The following SNX16 variants were observed in gnomAD, a reference collection of about 807,000 sequenced individuals.
The protein encoded by SNX16 is sorting nexin-16.
A neutral mutation model predicts 36.7 loss-of-function variants in SNX16; 35 were observed. The observed-to-expected ratio is 0.95, with a 90% confidence interval of 0.73 to 1.27. The LOEUF (loss-of-function observed/expected upper bound fraction) is 1.27, where lower values mean the gene tolerates loss of function less well. Among genes scored for constraint, SNX16 ranks in the 50% most tolerant of loss-of-function variants. The probability of loss-of-function intolerance (pLI) is 0.00; values close to 1 mark genes in which losing one functional copy is unlikely to be tolerated. For missense variants in SNX16, 367 were observed against 393.6 expected (o/e 0.93, Z 0.57); for synonymous variants, 134 against 132.0 (o/e 1.02, Z -0.10).
chr8:81,840,303 C>G (rs1315804373), intron 1 of SNX16: 1 of 219,108 alleles, frequency 4.6e-6, no homozygotes, highest in African/African-American at 2.3e-5. Context: ...CATGTTATCC[C>G]TTTTTCCTCT....
At chr8:81,806,411 C>A (rs1022730340) in intron 5 of SNX16, among the ~76,000 whole-genome samples, 13 of 152,036 alleles carry the variant, frequency 8.6e-5, no homozygotes, top group Non-Finnish European at 1.3e-4. Context: ...AAAAAAAACC[C>A]ATATGATCAT....
chr8:81,839,465 T>C, intron 2 of SNX16, 147 bp downstream of exon 2: 4 of 839,430 alleles, frequency 4.8e-6, no homozygotes, highest in East Asian at 2.5e-5. Flanking sequence ...TACTACAACA[T>C]GATAGAATTC....
At chr8:81,802,256 T>C in intron 7 of SNX16, 124 bp downstream of exon 7, 1 of 587,462 alleles carries the variant, frequency 1.7e-6, no homozygotes, top group Non-Finnish European at 2.6e-6. Context: ...ATTCATTCTC[T>C]GTTTGCTTAG....
In SNX16 at chr8:81,840,015, A is replaced by G; in HGVS notation, c.-29T>C. ...CTTTTGGCTTTTCCAACAAGCTTGC[A>G]CACTGTTGAGTCCACTTAGAGAACA... On this transcript the variant is annotated 5_prime_UTR_variant, in exon 2 of 8. Coordinates refer to ENST00000345957, the MANE Select transcript of SNX16 (RefSeq NM_152836.3). 1 of 1,559,772 alleles carries G rather than the reference A, an allele frequency of 6.4e-7. No individual in the cohort carries two copies. The highest frequency in any genetic ancestry group is 8.6e-7 in the Non-Finnish European group (1 of 1,157,056).
At chr8:81,802,947 C>A in intron 6 of SNX16, 145 bp downstream of exon 6, 1 of 651,658 alleles carries the variant, frequency 1.5e-6, no homozygotes. Flanking sequence ...CTAAATAAAG[C>A]ATAATTTTCC....
At chr8:81,824,489 A>G (rs1810927801) in intron 3 of SNX16, among the ~76,000 whole-genome samples, 1 of 152,042 alleles carries the variant, frequency 6.6e-6, no homozygotes, top group Non-Finnish European at 1.5e-5. Flanking sequence ...ATGTTATTTA[A>G]TTCATCCATT....
intron 2 of SNX16, among the ~76,000 whole-genome samples, chr8:81,835,781 G>C (rs1020721952): frequency 5.3e-5 from 8 of 152,186 alleles, no homozygotes; most frequent in African/African-American, 1.9e-4. Flanking sequence ...TGGCTGGGAG[G>C]CCTCACAATC....
chr8:81,804,128 T>C (rs1157973294), intron 5 of SNX16, among the ~76,000 whole-genome samples: 1 of 151,894 alleles, frequency 6.6e-6, no homozygotes, highest in Non-Finnish European at 1.5e-5. Flanking sequence ...GAAAACACTT[T>C]AAAGCACTGA....
intron 5 of SNX16, among the ~76,000 whole-genome samples, chr8:81,804,137 G>A (rs1433791165): frequency 1.3e-5 from 2 of 151,858 alleles, no homozygotes; most frequent in East Asian, 3.9e-4. Flanking sequence ...TTAAAGCACT[G>A]AGAAAAATAA....
intron 3 of SNX16, among the ~76,000 whole-genome samples, chr8:81,827,197 A>G (rs1327160273): frequency 2.0e-5 from 3 of 152,144 alleles, no homozygotes; most frequent in Non-Finnish European, 2.9e-5. Flanking sequence ...CTTTTTTCTA[A>G]AAGATTTATC....
At chr8:81,829,662 A>G (rs1811165596) in intron 2 of SNX16, 146 bp from the exon 3 acceptor site, 3 of 381,764 alleles carry the variant, frequency 7.9e-6, no homozygotes, top group Non-Finnish European at 1.4e-5. Context: ...CATTTAAATT[A>G]TCAAAAGTAC....
chr8:81,842,110 C>A lies in SNX16; in HGVS notation c.-97+12G>T, dbSNP rs1411238512. The A allele has an allele frequency of 2.0e-5, 3 of 151,618 alleles. No homozygotes were observed. The highest frequency in any genetic ancestry group is 7.3e-5 in the African/African-American group (3 of 41,348). The allele number at this position is 151,618 out of a possible 1,614,324, so 9.4% of individuals were successfully genotyped here. ...GCGACCGCCTGTCCTGAGGTAATGA[C>A]CCAGTCTTTACCTCAGCCCCCTCGG... is the stretch of plus-strand genomic sequence containing the variant. On this transcript the variant is annotated intron_variant, in intron 1 of 7. Coordinates refer to ENST00000345957, the MANE Select transcript of SNX16 (RefSeq NM_152836.3).
intron 4 of SNX16, among the ~76,000 whole-genome samples, chr8:81,823,519 A>T (rs1810871030): frequency 6.6e-6 from 1 of 152,102 alleles, no homozygotes; most frequent in African/African-American, 2.4e-5. Flanking sequence ...CAAAATACTA[A>T]AAGTTTACCT....
At chr8:81,808,277 C>A in intron 5 of SNX16, 3 of 1,136,728 alleles carry the variant, frequency 2.6e-6, no homozygotes, top group South Asian at 1.2e-5. Flanking sequence ...AAACACTATA[C>A]CATGAATGGC....
chr8:81,810,460 CAA>C (rs1810184817), intron 5 of SNX16, among the ~76,000 whole-genome samples: 2 of 152,216 alleles, frequency 1.3e-5, no homozygotes, highest in South Asian at 2.1e-4. Context: ...AGTCTGCAGA[CAA>C]AAGAGATATA....
At position 81,801,535 on chromosome 8, in the gene SNX16, C is replaced by T. The variant is rs774678709; in HGVS notation, c.997G>A (p.Glu333Lys). ...GCATCATATGCCACTTCTGCTACTTCTATCTCTGATACAGCATTTTCAGGT... is the reference window on the plus strand; with the variant it reads ...GCATCATATGCCACTTCTGCTACTTTTATCTCTGATACAGCATTTTCAGGT... ...SEPENAVSEIEVAEVAYDAEE... is the reference protein window; with the variant it reads ...SEPENAVSEIKVAEVAYDAEE... Residue 333 changes from glutamate (E) to lysine (K), a missense_variant, in exon 8 of 8, where the codon GAA becomes AAA. Transcript: ENST00000345957. 1 of 1,592,918 alleles carries T rather than the reference C, an allele frequency of 6.3e-7. No individual in the cohort carries two copies.
In SNX16 at chr8:81,839,964, A is replaced by G; in HGVS notation, c.23T>C (p.Val8Ala). 6.2e-7 allele frequency: 1 copy of G among 1,611,872 alleles called. No homozygotes were observed. Among genetic ancestry groups the G allele is most frequent in the Non-Finnish European group, 8.5e-7 (1 of 1,179,056 alleles). The change falls in exon 2 of 8, where the codon GTT becomes GCT. Residue 8 changes from valine to alanine, a missense_variant. Physicochemically the swap from Val to Ala is moderately conservative, Grantham distance 64. Transcript: ENST00000345957. ...AGCAGAGTTTCCTATGGGCATAGGAACTGGGACATAAGGAGTTGCCATCTT... is the reference window on the plus strand; with the variant it reads ...AGCAGAGTTTCCTATGGGCATAGGAGCTGGGACATAAGGAGTTGCCATCTT... MATPYVP[V>A]PMPIGNSASS...
intron 3 of SNX16, among the ~76,000 whole-genome samples, chr8:81,827,254 TCTAAAGAGATAATAGGAAGTAAACA>T (rs1440292827): frequency 6.6e-6 from 1 of 152,084 alleles, no homozygotes; most frequent in African/African-American, 2.4e-5. Flanking sequence ...AAAGATGAAA[TCTAAAGAGATAATAGGAAGTAAACA>T]CTAAATAACA....
rs147194154 is a variant in SNX16, at chr8:81,828,391, A to C, written c.462+1039T>G. Among the ~76,000 whole-genome samples, 449 of 152,064 alleles carry C rather than the reference A, an allele frequency of 3.0e-3. 2 individuals carry two copies. The highest frequency in any genetic ancestry group is 0.01 in the African/African-American group (434 of 41,370). The stretch of plus-strand genomic sequence containing the variant: ...CTTTTCTTGGAGTATCTGTGATATT[A>C]AGTGTTTTCCAGGTTTATTGATCAT... On this transcript the variant is annotated intron_variant, in intron 3 of 7. Coordinates refer to ENST00000345957, the MANE Select transcript of SNX16 (RefSeq NM_152836.3).
Sources: allele counts gnomAD v4.1 joint callset (sites outside exome capture counted in the v4.1 genomes callset), GRCh38; gene constraint gnomAD v4.1.1; transcripts MANE v1.5; gene names NCBI Gene and HGNC (gene_info 2026-07-23, HGNC 2026-07-21).